The following GSTZ1 variants were observed in gnomAD, a reference collection of about 807,000 sequenced individuals.
GSTZ1 encodes maleylacetoacetate isomerase.
A neutral mutation model predicts 35.9 loss-of-function variants in GSTZ1; 34 were observed. The ratio of observed to expected loss-of-function variants is 0.95; its 90% CI spans 0.72 to 1.26. The LOEUF is 1.26. Among genes scored for constraint, GSTZ1 ranks in the 50% most tolerant of loss-of-function variants. GSTZ1 has a pLI of 0.00. For missense variants in GSTZ1, 263 were observed against 271.7 expected, an observed-to-expected ratio of 0.97 and a Z score of 0.23; for synonymous variants, 93 against 101.2, an observed-to-expected ratio of 0.92 and a Z score of 0.49.
At chr14:77,329,682 G>T in intron 6 of GSTZ1, 73 bp from the exon 7 acceptor site, 1 of 1,183,362 alleles carries the variant, frequency 8.5e-7, no homozygotes, top group South Asian at 1.2e-5. Flanking sequence ...CATAACTATG[G>T]AGGCCAAGGC....
chr14:77,321,505 G>C, intron 1 of GSTZ1: 1 of 1,373,438 alleles, frequency 7.3e-7, no homozygotes, highest in Non-Finnish European at 9.5e-7. Flanking sequence ...TCCAAACGTC[G>C]CCCCAAGCCT....
rs1892364752 is a variant in GSTZ1, at chr14:77,327,204, T to G, written c.136-268T>G. On this transcript the variant is annotated intron_variant, in intron 3 of 8. Coordinates refer to ENST00000216465, the MANE Select transcript of GSTZ1 (RefSeq NM_145870.3). ...ATACTGGGCCCTCTGGATGGCTGAC[T>G]AGGGTAGGAGCTGCCTTGGTGGCCA... 6.7e-6 allele frequency: 4 copies of G among 594,136 alleles called. No homozygotes were observed. The Middle Eastern group carries it at 1.3e-3, about 200-fold the overall frequency. 36.8% of individuals were successfully genotyped at this position (594,136 alleles called of 1,614,324 possible).
chr14:77,327,990 G>T lies in GSTZ1; in HGVS notation c.295G>T (p.Val99Leu). The T allele has an allele frequency of 1.9e-6, 3 of 1,614,070 alleles. No homozygotes were observed. The highest frequency in any genetic ancestry group is 2.5e-6 in the Non-Finnish European group (3 of 1,179,948). The change falls in exon 5 of 9, where the codon GTG (valine) becomes TTG (leucine). Residue 99 changes from valine to leucine, a missense_variant. Val to Leu is a conservative substitution (Grantham distance 32). Transcript: ENST00000216465. ...TCAGGACCCAAAGAAGAGGGCCAGC[G>T]TGCGTATGATTTCTGACCTCATCGC... ...LPQDPKKRAS[V>L]RMISDLIAGG... is the part of the protein sequence containing the mutation.
rs1413834733 is a variant in GSTZ1, at chr14:77,329,026, G to C, written c.343-97G>C. ...GGAGAAGGGATAGACATCCAGCCAGGGGCAGATGGGAAGTGAACTTCCCTG... is the reference window on the plus strand; with the variant it reads ...GGAGAAGGGATAGACATCCAGCCAGCGGCAGATGGGAAGTGAACTTCCCTG... On this transcript the variant is annotated intron_variant, in intron 5 of 8. Coordinates refer to ENST00000216465, the MANE Select transcript of GSTZ1 (RefSeq NM_145870.3). 1.6e-5 allele frequency: 14 copies of C among 859,894 alleles called. No homozygotes were observed. The South Asian group carries it at 1.8e-4, about 11-fold the overall frequency. The allele number at this position is 859,894 out of a possible 1,614,324, so 53.3% of individuals were successfully genotyped here. A position where few individuals can be genotyped will look rare whatever the true frequency, so the allele number is the denominator to read the frequency against.
chr14:77,323,645 G>C (rs1317693455), intron 1 of GSTZ1: 1 of 152,228 alleles, frequency 6.6e-6, no homozygotes, highest in Non-Finnish European at 1.5e-5. Context: ...AGAATGAAAT[G>C]TCCTGATTTT....
chr14:77,324,550 C>A, intron 1 of GSTZ1: 1 of 1,512,390 alleles, frequency 6.6e-7, no homozygotes, highest in East Asian at 2.5e-5. Context: ...TTTCCCTGCT[C>A]AGAAGCTGTG....
chr14:77,321,416 G>A (rs8177539), intron 1 of GSTZ1: 95,537 of 1,528,346 alleles, frequency 0.063, 3,717 homozygotes, highest in Admixed American at 0.17. Flanking sequence ...GTAGCAGGGT[G>A]GAGTCGCTGT....
At chr14:77,321,633 C>T in intron 1 of GSTZ1, 2 of 786,352 alleles carry the variant, frequency 2.5e-6, no homozygotes, top group Non-Finnish European at 3.4e-6. Context: ...CCTGTAATCC[C>T]AGCACTTTGG....
intron 1 of GSTZ1, chr14:77,321,505 G>T (rs536173833): frequency 2.2e-6 from 3 of 1,373,438 alleles, no homozygotes; most frequent in East Asian, 3.2e-5. Flanking sequence ...TCCAAACGTC[G>T]CCCCAAGCCT....
rs1180853576 is a variant in GSTZ1, at chr14:77,324,905, A to G, written c.51A>G (p.Ser17=). Residue 17 remains serine, a synonymous_variant, in exon 2 of 9, where the codon TCA becomes TCG. Coordinates refer to ENST00000216465, the MANE Select transcript of GSTZ1 (RefSeq NM_145870.3). The part of the protein sequence containing the change: ...ILYSYFRSSC[S]WRVRIALALK... ...ATTCCTATTTCCGAAGCTCCTGCTCATGGAGAGTTCGAATTGGTAAGAGAT... is the reference window on the plus strand; with the variant it reads ...ATTCCTATTTCCGAAGCTCCTGCTCGTGGAGAGTTCGAATTGGTAAGAGAT... 3 of 1,613,880 alleles carry G rather than the reference A, an allele frequency of 1.9e-6. No homozygotes were observed. The highest frequency in any genetic ancestry group is 2.2e-5 in the South Asian group (2 of 91,078).
At position 77,324,313 on chromosome 14, in the gene GSTZ1, T is replaced by A. The variant is rs182418692; in HGVS notation, c.16-557T>A. 2.0e-3 allele frequency: 878 copies of A among 439,866 alleles called. 9 individuals are homozygous for A. Among genetic ancestry groups the A allele is most frequent in the African/African-American group, 0.016 (797 of 50,362 alleles). 27.2% of individuals were successfully genotyped at this position (439,866 alleles called of 1,614,324 possible). On this transcript the variant is annotated intron_variant, in intron 1 of 8. Coordinates refer to ENST00000216465, the MANE Select transcript of GSTZ1 (RefSeq NM_145870.3). Reference sequence around the variant, plus strand: ...ACCCACTACCACACCTGGCTGATTTTTTTTTGTATTTTCAGTAGAGACAGG... The same window carrying A: ...ACCCACTACCACACCTGGCTGATTTATTTTTGTATTTTCAGTAGAGACAGG...
chr14:77,324,406 G>A (rs1449347382), intron 1 of GSTZ1: 39 of 613,226 alleles, frequency 6.4e-5, no homozygotes, highest in African/African-American at 2.2e-4. Context: ...CTTGGCTCCC[G>A]AAGTGCTGGG....
chr14:77,321,295 A>C (rs560964879), intron 1 of GSTZ1, 112 bp downstream of exon 1: 1 of 1,520,428 alleles, frequency 6.6e-7, no homozygotes. Context: ...GACTCCCGGC[A>C]TGCAGTGCTT....
At chr14:77,326,999 TGAA>T (rs1179543847) in intron 3 of GSTZ1, 94 bp downstream of exon 3, 8 of 850,468 alleles carry the variant, frequency 9.4e-6, no homozygotes, top group Non-Finnish European at 1.2e-5. Flanking sequence ...CCCAGAGAAG[TGAA>T]CCTGTGTCTT....
intron 2 of GSTZ1, chr14:77,325,719 T>C (rs1892282158): frequency 6.6e-6 from 1 of 152,002 alleles, no homozygotes; most frequent in African/African-American, 2.4e-5. Flanking sequence ...GCCTCCAGAG[T>C]GTGGAGGCAA....
At chr14:77,321,645 A>G (rs1468115723) in intron 1 of GSTZ1, 5 of 590,690 alleles carry the variant, frequency 8.5e-6, no homozygotes, top group South Asian at 2.2e-5. Context: ...GCACTTTGGG[A>G]GGCCGAGGCG....
chr14:77,329,825 C>T lies in GSTZ1; in HGVS notation c.474+18C>T, dbSNP rs1326766758. 8 of 1,600,334 alleles carry T rather than the reference C, an allele frequency of 5.0e-6. No individual in the cohort carries two copies. The highest frequency in any genetic ancestry group is 1.3e-5 in the African/African-American group (1 of 74,692). On this transcript the variant is annotated intron_variant, in intron 7 of 8. Transcript: ENST00000216465. ...GAGACGAGGTAAGCTGTCCCCAGAC[C>T]TCCCCAGGCCCAGCCACAGTGGCTG...
Position 77,331,274 on chromosome 14 carries a change from T to G in GSTZ1, c.*79T>G. 1.3e-6 allele frequency: 2 copies of G among 1,485,930 alleles called. No homozygotes were observed. The highest frequency in any genetic ancestry group is 2.1e-5 in the Admixed American group (1 of 48,102). 92.0% of individuals were successfully genotyped at this position (1,485,930 alleles called of 1,614,324 possible). On this transcript the variant is annotated 3_prime_UTR_variant, in exon 9 of 9. Transcript: ENST00000216465. ...CTGAAGAGGCCTGGAAACGAGAGTC[T>G]TAATTGAGGAGATGGGAGACTCGAA... is the stretch of plus-strand genomic sequence containing the variant.
At chr14:77,323,952 C>T (rs748337538) in intron 1 of GSTZ1, 2 of 152,160 alleles carry the variant, frequency 1.3e-5, no homozygotes, top group Admixed American at 1.3e-4. Context: ...ATGAGGGAGC[C>T]GAAGATTTAA....
Sources: gnomAD v4.1 joint callset for allele counts on GRCh38, gnomAD v4.1.1 for gene constraint, MANE v1.5 for transcripts, NCBI Gene and HGNC (gene_info 2026-07-23, HGNC 2026-07-21) for gene names.